The following NOL11 variants were observed in gnomAD, a reference collection of about 807,000 sequenced individuals.
NOL11 encodes the protein nucleolar protein 11.
In NOL11, 42 loss-of-function variants were observed where a neutral mutation model predicts 93.0. The observed-to-expected ratio is 0.45, with a 90% CI of 0.35 to 0.58. The LOEUF is 0.58. NOL11 is among the 20% of genes least tolerant of loss of function. The pLI is 0.00. For synonymous variants in NOL11, 296 were observed against 293.7 expected (o/e 1.01, Z -0.08); for missense variants, 775 against 841.8 (o/e 0.92, Z 0.98).
At position 67,726,565 on chromosome 17, in the gene NOL11, G is replaced by C; in HGVS notation, c.770G>C (p.Gly257Ala). Reference protein sequence around the residue: ...KSLLLKAVVSGNARNGVALTA... With the variant: ...KSLLLKAVVSANARNGVALTA... The stretch of plus-strand genomic sequence containing the variant: ...CTGCTGCTCAAGGCTGTTGTATCTG[G>C]TAACGCTCGAAATGGAGTTGCACTC... The change falls in exon 7 of 18, where the codon GGT (glycine) becomes GCT (alanine). Residue 257 changes from glycine to alanine, a missense_variant. By Grantham distance (60) the Gly-to-Ala change is moderately conservative (BLOSUM62 0). Transcript: ENST00000253247. 6.2e-7 allele frequency: 1 copy of C among 1,614,122 alleles called. No homozygotes were observed. Among genetic ancestry groups the C allele is most frequent in the African/African-American group, 1.3e-5 (1 of 75,052 alleles).
At chr17:67,740,244 A>AT (rs2055242652) in intron 16 of NOL11, among the ~76,000 whole-genome samples, 1 of 151,104 alleles carries the variant, frequency 6.6e-6, no homozygotes, top group Non-Finnish European at 1.5e-5. Flanking sequence ...AAAAAAAAAA[A>AT]GCGGGGGGAA....
chr17:67,726,760 T>G (rs777034654), intron 7 of NOL11, 112 bp downstream of exon 7: 2 of 780,296 alleles, frequency 2.6e-6, no homozygotes, highest in Admixed American at 3.9e-5. Context: ...TTCATTCTCT[T>G]TATCAGCATA....
intron 5 of NOL11, 57 bp downstream of exon 5, chr17:67,722,694 A>G (rs201676703): frequency 6.7e-7 from 1 of 1,494,984 alleles, no homozygotes; most frequent in African/African-American, 1.5e-5. Context: ...AAAAAAAAAA[A>G]TTTATTTAGA....
chr17:67,728,002 T>C (rs2055114688), intron 7 of NOL11, among the ~76,000 whole-genome samples: 1 of 151,286 alleles, frequency 6.6e-6, no homozygotes, highest in Non-Finnish European at 1.5e-5. Context: ...AGCTCATGCC[T>C]GTAATCCCAG....
At chr17:67,724,229 A>G in intron 6 of NOL11, 36 bp downstream of exon 6, 4 of 1,325,808 alleles carry the variant, frequency 3.0e-6, no homozygotes, top group Non-Finnish European at 4.2e-6. Context: ...AGAGATTATA[A>G]ATAGAGGATT....
In NOL11 at chr17:67,743,802, A is replaced by T; in HGVS notation, c.2103A>T (p.Leu701Phe). 6.4e-7 allele frequency: 1 copy of T among 1,553,476 alleles called. No individual in the cohort carries two copies. The highest frequency in any genetic ancestry group is 8.7e-7 in the Non-Finnish European group (1 of 1,156,050). ...TAAGTTTTCGGGAGCTACAGAAATT[A>T]AATCAAGAAAAGAATAATAGAGGAT... ...IEVSFRELQK[L>F]NQEKNNRGLY... The change falls in exon 18 of 18, where the codon TTA becomes TTT. Residue 701 changes from leucine to phenylalanine, a missense_variant. This residue lies in a region of NOL11 where 416 missense variants were observed against 525.2 expected (regional missense o/e 0.79). Coordinates refer to ENST00000253247, the MANE Select transcript of NOL11 (RefSeq NM_015462.5).
chr17:67,737,000 T>C, intron 10 of NOL11, 71 bp from the exon 11 acceptor site: 1 of 1,028,440 alleles, frequency 9.7e-7, no homozygotes, highest in Non-Finnish European at 1.5e-6. Context: ...TTGGAGTGTT[T>C]CATATCCCTC....
intron 16 of NOL11, among the ~76,000 whole-genome samples, chr17:67,742,144 G>T (rs2055262339): frequency 1.3e-5 from 2 of 152,188 alleles, no homozygotes; most frequent in South Asian, 4.1e-4. Flanking sequence ...CAAAATGCCA[G>T]ACTTTCTGAA....
intron 7 of NOL11, among the ~76,000 whole-genome samples, chr17:67,730,031 C>T (rs943995753): frequency 6.6e-6 from 1 of 152,180 alleles, no homozygotes; most frequent in African/African-American, 2.4e-5. Context: ...AGAGCCACCA[C>T]GCCTGGCTAG....
At chr17:67,731,960 A>G (rs1442273844) in intron 7 of NOL11, among the ~76,000 whole-genome samples, 1 of 152,150 alleles carries the variant, frequency 6.6e-6, no homozygotes, top group Non-Finnish European at 1.5e-5. Context: ...GCCCCTTACA[A>G]TTATTCCATG....
At chr17:67,736,139 C>T (rs778048720) in intron 9 of NOL11, 116 bp downstream of exon 9, 21 of 1,003,630 alleles carry the variant, frequency 2.1e-5, no homozygotes, top group Middle Eastern at 3.3e-4. Flanking sequence ...TGAAATTTAC[C>T]GCTGTTTATT....
chr17:67,743,819 A>G lies in NOL11; in HGVS notation c.2120A>G (p.Asn707Ser), dbSNP rs765159351. ...ELQKLNQEKN[N>S]RGLYSIEVLE... ...CAGAAATTAAATCAAGAAAAGAATA[A>G]TAGAGGATTATATTCAATTGAAGTG... Residue 707 changes from asparagine (N) to serine (S), a missense_variant, in exon 18 of 18, where the codon AAT becomes AGT. Asn to Ser is a conservative substitution (Grantham distance 46). This residue lies in a region of NOL11 where 416 missense variants were observed against 525.2 expected (regional missense o/e 0.79). Transcript: ENST00000253247. 3.2e-6 allele frequency: 5 copies of G among 1,541,420 alleles called. No individual in the cohort carries two copies. Among genetic ancestry groups the G allele is most frequent in the Non-Finnish European group, 4.4e-6 (5 of 1,145,676 alleles).
chr17:67,737,262 G>A, intron 11 of NOL11, 117 bp downstream of exon 11: 1 of 733,618 alleles, frequency 1.4e-6, no homozygotes, highest in Non-Finnish European at 2.3e-6. Context: ...CTAACATCTT[G>A]TAGTATCTTA....
At chr17:67,742,044 G>A (rs1057421593) in intron 16 of NOL11, among the ~76,000 whole-genome samples, 3 of 152,150 alleles carry the variant, frequency 2.0e-5, no homozygotes, top group Non-Finnish European at 2.9e-5. Flanking sequence ...TCTTTATACA[G>A]ATATTCTTGT....
intron 9 of NOL11, 86 bp from the exon 10 acceptor site, chr17:67,736,579 GT>G (rs746602610): frequency 7.7e-5 from 62 of 810,102 alleles, no homozygotes; most frequent in Non-Finnish European, 1.1e-4. Flanking sequence ...TGTATGAGTG[GT>G]TTTTTTTAAA....
intron 4 of NOL11, 125 bp from the exon 5 acceptor site, chr17:67,722,455 G>A: frequency 7.1e-7 from 1 of 1,400,842 alleles, no homozygotes; most frequent in South Asian, 1.5e-5. Context: ...CCAATTAAGT[G>A]TTCTCTGATG....
chr17:67,736,029 A>G lies in NOL11; in HGVS notation c.1054+6A>G. 1 of 1,602,052 alleles carries G rather than the reference A, an allele frequency of 6.2e-7. No homozygotes were observed. Among genetic ancestry groups the G allele is most frequent in the Non-Finnish European group, 8.5e-7 (1 of 1,175,906 alleles). ...CAAGCATAGTCAAGATCCAGGTAGA[A>G]ACTTACTTCTGTTTGTTTTATTAAT... On this transcript the variant is annotated splice_donor_region_variant and intron_variant, in intron 9 of 17. Transcript: ENST00000253247.
At chr17:67,728,552 T>C (rs2055120947) in intron 7 of NOL11, among the ~76,000 whole-genome samples, 1 of 152,142 alleles carries the variant, frequency 6.6e-6, no homozygotes, top group Non-Finnish European at 1.5e-5. Flanking sequence ...TTCCTCTCTT[T>C]CTTATTTCTG....
chr17:67,743,654 T>G, intron 17 of NOL11, 68 bp downstream of exon 17: 3 of 1,258,954 alleles, frequency 2.4e-6, no homozygotes. Context: ...CAATTATTCT[T>G]AAAATTTGTC....
Sources: gnomAD v4.1 joint callset for allele counts (sites outside exome capture counted in the v4.1 genomes callset) on GRCh38, gnomAD v4.1.1 for gene constraint, gnomAD v4.1.1 regional missense constraint, MANE v1.5 for transcripts, NCBI Gene and HGNC (gene_info 2026-07-23, HGNC 2026-07-21) for gene names.